Variants in FAM168A observed in about 807,000 individuals in gnomAD.
FAM168A encodes protein FAM168A.
Under a neutral mutation model 28.5 loss-of-function variants are expected in FAM168A, and 3 were observed. That is an observed-to-expected ratio of 0.11 (90% CI 0.05 to 0.27). The LOEUF (loss-of-function observed/expected upper bound fraction) is 0.27, where lower values mean the gene tolerates loss of function less well. FAM168A is among the 10% of genes least tolerant of loss of function. The probability of loss-of-function intolerance (pLI) is 1.00; values close to 1 mark genes in which losing one functional copy is unlikely to be tolerated. For synonymous variants in FAM168A, 122 were observed against 124.2 expected (o/e 0.98, Z 0.12); for missense variants, 222 against 311.5 (o/e 0.71, Z 2.16).
intron 1 of FAM168A, among the ~76,000 whole-genome samples, chr11:73,572,185 C>T (rs1234403513): frequency 6.7e-6 from 1 of 148,286 alleles, no homozygotes; most frequent in East Asian, 2.0e-4. Context: ...GCCCGGCCAG[C>T]CGCCCCGTCC....
chr11:73,573,924 C>T (rs981259421), intron 1 of FAM168A, among the ~76,000 whole-genome samples: 2 of 152,124 alleles, frequency 1.3e-5, no homozygotes, highest in African/African-American at 4.8e-5. Flanking sequence ...CTCTGCACTC[C>T]AGCCTGGGTG....
In FAM168A at chr11:73,409,509, G is replaced by A. The variant is rs907832379; in HGVS notation, c.573C>T (p.Gly191=). 3 of 1,613,970 alleles carry A rather than the reference G, an allele frequency of 1.9e-6. No homozygotes were observed. The highest frequency in any genetic ancestry group is 2.7e-5 in the African/African-American group (2 of 75,054). The change falls in exon 6 of 8, where the codon GGC becomes GGT. Residue 191 remains glycine, a synonymous_variant. Transcript: ENST00000356467. ...TNGVAMGMVA[G]TTMAMSAGTL... ...CACCTGCTGACATTGCCATGGTGGT[G>A]CCTGCCACCATGCCCATGGCCACAC...
intron 1 of FAM168A, among the ~76,000 whole-genome samples, chr11:73,468,818 T>C (rs1342147358): frequency 2.0e-5 from 3 of 152,228 alleles, no homozygotes; most frequent in African/African-American, 7.2e-5. Flanking sequence ...CCATGTCACT[T>C]CCCCTGTCTG....
At chr11:73,591,957 A>G (rs1944387529) in intron 1 of FAM168A, among the ~76,000 whole-genome samples, 1 of 152,258 alleles carries the variant, frequency 6.6e-6, no homozygotes, top group African/African-American at 2.4e-5. Flanking sequence ...TTTGCTATCA[A>G]CTCAAAATAA....
intron 1 of FAM168A, among the ~76,000 whole-genome samples, chr11:73,509,165 T>C (rs1415562256): frequency 6.6e-6 from 1 of 152,150 alleles, no homozygotes; most frequent in Non-Finnish European, 1.5e-5. Context: ...ATTACAGATA[T>C]AGTAACTAAG....
intron 1 of FAM168A, among the ~76,000 whole-genome samples, chr11:73,515,071 T>G (rs552090876): frequency 2.0e-4 from 31 of 152,258 alleles, no homozygotes; most frequent in Admixed American, 1.8e-3. Context: ...CACAACCACC[T>G]CAAGGAGTGA....
intron 1 of FAM168A, among the ~76,000 whole-genome samples, chr11:73,504,041 A>G (rs1855062334): frequency 6.6e-6 from 1 of 152,116 alleles, no homozygotes; most frequent in Non-Finnish European, 1.5e-5. Context: ...AACCCAAAAT[A>G]ATAAAAACCC....
chr11:73,486,637 C>G (rs573615460), intron 1 of FAM168A, among the ~76,000 whole-genome samples: 1 of 152,268 alleles, frequency 6.6e-6, no homozygotes, highest in South Asian at 2.1e-4. Context: ...TAAAAGCTCA[C>G]TGTAGAATTT....
chr11:73,548,186 T>C (rs1255252447), intron 1 of FAM168A, among the ~76,000 whole-genome samples: 1 of 152,204 alleles, frequency 6.6e-6, no homozygotes, highest in African/African-American at 2.4e-5. Flanking sequence ...TAGTTACTAC[T>C]ACTAAACTAT....
chr11:73,562,886 G>A (rs559777013), intron 1 of FAM168A, among the ~76,000 whole-genome samples: 15 of 152,146 alleles, frequency 9.9e-5, no homozygotes, highest in South Asian at 4.2e-4. Context: ...TGAGCAAAAC[G>A]TACCCTGAGT....
chr11:73,522,806 A>AG (rs946388848), intron 1 of FAM168A, among the ~76,000 whole-genome samples: 4 of 151,966 alleles, frequency 2.6e-5, no homozygotes, highest in Middle Eastern at 3.4e-3. Context: ...TGAAGTCAGG[A>AG]GTTTGTGACC....
chr11:73,523,046 C>A (rs545632539), intron 1 of FAM168A, among the ~76,000 whole-genome samples: 1 of 151,954 alleles, frequency 6.6e-6, no homozygotes, highest in Admixed American at 6.6e-5. Flanking sequence ...AACACACACA[C>A]ACACAATGAG....
intron 1 of FAM168A, among the ~76,000 whole-genome samples, chr11:73,575,769 T>C (rs1385569357): frequency 6.6e-6 from 1 of 151,956 alleles, no homozygotes; most frequent in Non-Finnish European, 1.5e-5. Context: ...CTCGGGAGGC[T>C]GAGGCAGGAC....
intron 1 of FAM168A, among the ~76,000 whole-genome samples, chr11:73,531,617 A>G (rs1943514014): frequency 1.3e-5 from 2 of 152,074 alleles, no homozygotes; most frequent in Admixed American, 6.5e-5. Flanking sequence ...CAGACCAGAG[A>G]GGAGACCTAG....
chr11:73,532,806 A>G (rs1187970010), intron 1 of FAM168A, among the ~76,000 whole-genome samples: 2 of 152,244 alleles, frequency 1.3e-5, no homozygotes, highest in Non-Finnish European at 2.9e-5. Flanking sequence ...GCAATCAGAG[A>G]GCAGGAGTTG....
In FAM168A at chr11:73,544,757, GTAATTATATA is replaced by G. The variant is rs1234622623; in HGVS notation, c.-19+53156_-19+53165del. ...TTATATATAATTATATATTTTATAT[GTAATTATATA>G]TAATTATATATAATTATATATTTTA... On this transcript the variant is annotated intron_variant, in intron 1 of 7. Coordinates refer to ENST00000356467, the MANE Select transcript of FAM168A (RefSeq NM_015159.3). 2.0e-3 allele frequency among the ~76,000 whole-genome samples: 171 copies of G among 85,588 alleles called. 1 individual carries two copies. Among genetic ancestry groups the G allele is most frequent in the African/African-American group, 6.0e-3 (100 of 16,774 alleles). The allele number at this position is 85,588 out of a possible 152,430, so 56.1% of individuals were successfully genotyped here.
chr11:73,430,319 G>GGT (rs1866965501), intron 3 of FAM168A: 2 of 272,576 alleles, frequency 7.3e-6, no homozygotes, highest in Non-Finnish European at 1.4e-5. Context: ...GGGGTGTGTG[G>GGT]GTGTGTGTGT....
chr11:73,425,142 G>C, intron 3 of FAM168A: 1 of 829,134 alleles, frequency 1.2e-6, no homozygotes, highest in Middle Eastern at 2.8e-4. Context: ...TTTTGCAATA[G>C]CAGTTTCCCC....
intron 1 of FAM168A, among the ~76,000 whole-genome samples, chr11:73,526,999 C>T (rs1054204047): frequency 1.3e-5 from 2 of 151,832 alleles, no homozygotes; most frequent in Non-Finnish European, 2.9e-5. Flanking sequence ...GGACATCTAG[C>T]TTCTGGCCCA....
Sources: gnomAD v4.1 joint callset for allele counts (sites outside exome capture counted in the v4.1 genomes callset) on GRCh38, gnomAD v4.1.1 for gene constraint, MANE v1.5 for transcripts, NCBI Gene and HGNC (gene_info 2026-07-23, HGNC 2026-07-21) for gene names.